Variants in SLC35F3 observed in about 807,000 individuals in gnomAD.
The protein encoded by SLC35F3 is solute carrier family 35 member F3.
Under a neutral mutation model 49.9 loss-of-function variants are expected in SLC35F3, and 25 were observed. The observed-to-expected ratio is 0.50, with a 90% CI of 0.37 to 0.70. The LOEUF is 0.70. SLC35F3 is among the 30% of genes least tolerant of loss of function. The pLI, the probability that SLC35F3 is intolerant of heterozygous loss-of-function variation, is 0.00. For missense variants in SLC35F3, 525 were observed against 639.8 expected (o/e 0.82, Z 1.94); for synonymous variants, 275 against 265.4 (o/e 1.04, Z -0.35).
intron 2 of SLC35F3, among the ~76,000 whole-genome samples, chr1:233,944,560 C>T (rs1002172426): frequency 3.9e-5 from 6 of 152,128 alleles, no homozygotes; most frequent in African/African-American, 9.7e-5. Flanking sequence ...TCGGGAGTTC[C>T]GGTACCTCTG....
intron 2 of SLC35F3, among the ~76,000 whole-genome samples, chr1:233,936,903 G>T (rs568933373): frequency 7.0e-4 from 107 of 152,238 alleles, no homozygotes; most frequent in Middle Eastern, 3.4e-3. Flanking sequence ...TGTTGCCTAG[G>T]CTGGTCTCGA....
At chr1:233,959,173 A>T (rs1033317391) in intron 2 of SLC35F3, among the ~76,000 whole-genome samples, 1 of 151,896 alleles carries the variant, frequency 6.6e-6, no homozygotes, top group Non-Finnish European at 1.5e-5. Context: ...TTTCCTAATC[A>T]CCTAATTTAT....
intron 3 of SLC35F3, among the ~76,000 whole-genome samples, chr1:234,233,195 A>G (rs577629819): frequency 6.6e-6 from 1 of 152,354 alleles, no homozygotes; most frequent in East Asian, 1.9e-4. Context: ...CAAGAGTAAA[A>G]TAGTCCCAGA....
rs150822183 is a variant in SLC35F3 at position 234,243,992 on chromosome 1, C to A, written c.608+12251C>A. 6.7e-3 allele frequency among the ~76,000 whole-genome samples: 1,023 copies of A among 152,326 alleles called. 9 individuals carry two copies. Among genetic ancestry groups the A allele is most frequent in the African/African-American group, 0.023 (964 of 41,558 alleles). On this transcript the variant is annotated intron_variant, in intron 3 of 7. Coordinates refer to ENST00000366618, the MANE Select transcript of SLC35F3 (RefSeq NM_173508.4). ...TGCATAGCTGCAAGGTGGGAGAAGGCTCACCAACGGGTGAAATGACACCTG... is the reference window on the plus strand; with the variant it reads ...TGCATAGCTGCAAGGTGGGAGAAGGATCACCAACGGGTGAAATGACACCTG...
intron 2 of SLC35F3, among the ~76,000 whole-genome samples, chr1:234,139,458 G>T (rs1204033177): frequency 6.6e-6 from 1 of 151,990 alleles, no homozygotes; most frequent in Non-Finnish European, 1.5e-5. Flanking sequence ...CTAAGTAAAG[G>T]CACTCTACAA....
At chr1:234,297,346 C>T (rs1212842798) in intron 3 of SLC35F3, among the ~76,000 whole-genome samples, 1 of 152,192 alleles carries the variant, frequency 6.6e-6, no homozygotes, top group Non-Finnish European at 1.5e-5. Flanking sequence ...GAGGTAATGT[C>T]TGCATTCCCA....
At chr1:233,906,321 G>A (rs766125069) in intron 2 of SLC35F3, among the ~76,000 whole-genome samples, 13 of 152,150 alleles carry the variant, frequency 8.5e-5, no homozygotes, top group Admixed American at 5.2e-4. Flanking sequence ...CTAGATAGTG[G>A]TGTTGGTCCC....
chr1:234,291,425 G>T (rs958860351), intron 3 of SLC35F3, among the ~76,000 whole-genome samples: 2 of 152,182 alleles, frequency 1.3e-5, no homozygotes, highest in Non-Finnish European at 2.9e-5. Flanking sequence ...AGGAGGAACA[G>T]TTCCCCAGAA....
chr1:234,085,827 G>A (rs1664951754), intron 2 of SLC35F3, among the ~76,000 whole-genome samples: 2 of 152,094 alleles, frequency 1.3e-5, no homozygotes, highest in South Asian at 2.1e-4. Context: ...ATTGTGATTC[G>A]GACTGCTCTT....
intron 2 of SLC35F3, among the ~76,000 whole-genome samples, chr1:234,062,531 C>G (rs939524407): frequency 6.6e-6 from 1 of 152,222 alleles, no homozygotes; most frequent in Non-Finnish European, 1.5e-5. Context: ...ACTAGTAAGC[C>G]TAAAGTTGTC....
At chr1:234,084,220 G>GACACAC (rs34569981) in intron 2 of SLC35F3, among the ~76,000 whole-genome samples, 6,871 of 148,240 alleles carry the variant, frequency 0.046, 438 homozygotes, top group African/African-American at 0.15. Flanking sequence ...ATAAGGAATA[G>GACACAC]ACACACACAC....
At chr1:234,002,927 A>G (rs1165994107) in intron 2 of SLC35F3, among the ~76,000 whole-genome samples, 2 of 152,070 alleles carry the variant, frequency 1.3e-5, no homozygotes, top group Admixed American at 1.3e-4. Context: ...ATTGTTCTGG[A>G]TGTGCCTACT....
chr1:234,077,015 T>G (rs1572042854), intron 2 of SLC35F3, among the ~76,000 whole-genome samples: 1 of 89,566 alleles, frequency 1.1e-5, no homozygotes. Context: ...TTTTTTTTTT[T>G]GAGACGGAGT....
rs904766208 is a variant in SLC35F3, at chr1:234,323,460, G to A, written c.*217G>A. On this transcript the variant is annotated 3_prime_UTR_variant, in exon 8 of 8. Transcript: ENST00000366618. This position sits in a 1 kb window ranked among gnomAD's most constrained non-coding sequence, Gnocchi z 4.5. ...CAAAAGAGAAAAGAAGAACCTCTCAGTGCTTTTCCAACGAATGTAAAGTGG... is the reference window on the plus strand; with the variant it reads ...CAAAAGAGAAAAGAAGAACCTCTCAATGCTTTTCCAACGAATGTAAAGTGG... 1 of 569,172 alleles carries A rather than the reference G, an allele frequency of 1.8e-6. No individual in the cohort carries two copies. Among genetic ancestry groups the A allele is most frequent in the African/African-American group, 1.9e-5 (1 of 53,404 alleles). The allele number at this position is 569,172 out of a possible 1,614,324, so 35.3% of individuals were successfully genotyped here.
At chr1:234,177,523 C>T (rs534309425) in intron 2 of SLC35F3, among the ~76,000 whole-genome samples, 18 of 152,308 alleles carry the variant, frequency 1.2e-4, no homozygotes, top group African/African-American at 3.8e-4. Flanking sequence ...GGCTAGGACC[C>T]TGCCCAGTGT....
intron 2 of SLC35F3, among the ~76,000 whole-genome samples, chr1:233,912,205 C>T (rs1401208405): frequency 2.0e-5 from 3 of 152,182 alleles, no homozygotes; most frequent in South Asian, 2.1e-4. Context: ...TTTCGCCGTG[C>T]GCGGTGGCTC....
intron 2 of SLC35F3, among the ~76,000 whole-genome samples, chr1:234,164,917 G>T (rs1303869435): frequency 6.6e-6 from 1 of 152,084 alleles, no homozygotes; most frequent in Non-Finnish European, 1.5e-5. Flanking sequence ...ACAGACAAGT[G>T]TTTGAGCTGT....
In SLC35F3 at chr1:234,064,970, C is replaced by A. The variant is rs374605149; in HGVS notation, c.283+159212C>A. On this transcript the variant is annotated intron_variant, in intron 2 of 7. Coordinates refer to ENST00000366618, the MANE Select transcript of SLC35F3 (RefSeq NM_173508.4). The stretch of plus-strand genomic sequence containing the variant: ...TTTATAAGAGGTAAAAAGAAGACAG[C>A]GAAAAATAGTGCCAGTTGCCTTAAG... Among the ~76,000 whole-genome samples, 8 of 152,156 alleles carry A rather than the reference C, an allele frequency of 5.3e-5. No homozygotes were observed. The South Asian group carries it at 1.7e-3, about 32-fold the overall frequency.
chr1:234,042,614 G>C (rs757760399), intron 2 of SLC35F3, among the ~76,000 whole-genome samples: 2 of 152,084 alleles, frequency 1.3e-5, no homozygotes, highest in Non-Finnish European at 2.9e-5. Flanking sequence ...ATTTTAGGCT[G>C]TGTAAGCAAT....
Sources: allele counts gnomAD v4.1 joint callset (sites outside exome capture counted in the v4.1 genomes callset), GRCh38; gene constraint gnomAD v4.1.1; non-coding constraint Gnocchi (gnomAD v3.1); transcripts MANE v1.5; gene names NCBI Gene and HGNC (gene_info 2026-07-23, HGNC 2026-07-21).